PRIM2: variants seen among roughly 807,000 people sequenced by gnomAD.
PRIM2 encodes the protein DNA primase large subunit.
PRIM2 carries 39 observed loss-of-function variants against 67.3 expected under a neutral mutation model. The ratio of observed to expected loss-of-function variants is 0.58; its 90% CI spans 0.45 to 0.76. PRIM2 has a LOEUF of 0.76. Among genes scored for constraint, PRIM2 ranks in the 30% least tolerant of loss-of-function variants. The probability of loss-of-function intolerance (pLI) is 0.00; values close to 1 mark genes in which losing one functional copy is unlikely to be tolerated. For missense variants in PRIM2, 398 were observed against 598.7 expected (o/e 0.66, Z 3.50); for synonymous variants, 143 against 198.7 (o/e 0.72, Z 2.36).
intron 13 of PRIM2, among the ~76,000 whole-genome samples, chr6:57,643,325 ATATCAT>A (rs1315760630): frequency 6.6e-6 from 1 of 152,220 alleles, no homozygotes; most frequent in African/African-American, 2.4e-5. Context: ...TATAATGGAG[ATATCAT>A]TATCAGTATG....
At chr6:57,630,144 C>G (rs1777017643) in intron 12 of PRIM2, among the ~76,000 whole-genome samples, 1 of 149,866 alleles carries the variant, frequency 6.7e-6, no homozygotes, top group African/African-American at 2.5e-5. Context: ...TTTTTCTCAT[C>G]ACACCTTTAC....
intron 7 of PRIM2, among the ~76,000 whole-genome samples, chr6:57,442,247 C>A (rs1772223223): frequency 6.6e-6 from 1 of 152,094 alleles, no homozygotes; most frequent in Admixed American, 6.5e-5. Flanking sequence ...CTGTTTGTCC[C>A]ACAACTGAGT....
At chr6:57,386,417 C>CAAAAA (rs71299586) in intron 7 of PRIM2, among the ~76,000 whole-genome samples, 2 of 53,916 alleles carry the variant, frequency 3.7e-5, no homozygotes, top group African/African-American at 9.8e-5. Context: ...TACCCTGTCT[C>CAAAAA]AAAAAAAAAA....
intron 7 of PRIM2, among the ~76,000 whole-genome samples, chr6:57,398,979 T>C (rs1770616043): frequency 6.6e-6 from 1 of 152,084 alleles, no homozygotes; most frequent in African/African-American, 2.4e-5. Context: ...CCCCTGTTTT[T>C]TTCTGATTTC....
At position 57,559,897 on chromosome 6, in the gene PRIM2, G is replaced by T. The variant is rs1186032837; in HGVS notation, c.1020+22272G>T. 2.0e-5 allele frequency among the ~76,000 whole-genome samples: 3 copies of T among 152,040 alleles called. No individual in the cohort carries two copies. In the South Asian group the frequency reaches 6.2e-4, roughly 32 times the overall value. ...TTGGTGAGTTGTAATCTTTTTGCTG[G>T]TGGAGGGTCTTGCCTTGATGTTGAT... is the stretch of plus-strand genomic sequence containing the variant. On this transcript the variant is annotated intron_variant, in intron 10 of 13. Coordinates refer to ENST00000615550, the MANE Select transcript of PRIM2 (RefSeq NM_000947.5).
chr6:57,296,153 TA>T, the PRIM2 span, among the ~76,000 whole-genome samples: 1 of 152,072 alleles, frequency 6.6e-6, no homozygotes, highest in African/African-American at 2.4e-5. Context: ...CAAATCTCAA[TA>T]ACTCTGGAAA....
chr6:57,439,520 A>G (rs961701162), intron 7 of PRIM2, among the ~76,000 whole-genome samples: 2 of 144,396 alleles, frequency 1.4e-5, no homozygotes, highest in African/African-American at 5.1e-5. Flanking sequence ...GGTTCTAGCA[A>G]TTCTCCTGCC....
At chr6:57,389,988 T>G in intron 7 of PRIM2, 1 of 154,830 alleles carries the variant, frequency 6.5e-6, no homozygotes, top group Middle Eastern at 5.2e-4. Flanking sequence ...CTGCAGCAAA[T>G]CCATCAATAT....
intron 12 of PRIM2, among the ~76,000 whole-genome samples, chr6:57,629,564 A>G (rs1239647002): frequency 6.6e-6 from 1 of 152,116 alleles, no homozygotes; most frequent in Non-Finnish European, 1.5e-5. Context: ...TTTTATAGCC[A>G]TTAAGTGGGA....
intron 7 of PRIM2, among the ~76,000 whole-genome samples, chr6:57,457,466 C>T (rs1222491601): frequency 6.6e-6 from 1 of 152,166 alleles, no homozygotes; most frequent in Non-Finnish European, 1.5e-5. Flanking sequence ...CCTTTGTTTA[C>T]CTACTCAAGC....
At chr6:57,442,088 A>C (rs985494147) in intron 7 of PRIM2, among the ~76,000 whole-genome samples, 1 of 152,172 alleles carries the variant, frequency 6.6e-6, no homozygotes, top group African/African-American at 2.4e-5. Context: ...AGAAAGTTTT[A>C]CTTTGGTAAT....
intron 7 of PRIM2, among the ~76,000 whole-genome samples, chr6:57,388,121 G>C (rs1189586102): frequency 1.3e-5 from 2 of 152,174 alleles, no homozygotes; most frequent in African/African-American, 2.4e-5. Flanking sequence ...TGTAGACTCT[G>C]TGAGACTTTG....
chr6:57,373,300 T>C (rs986003987), intron 5 of PRIM2, among the ~76,000 whole-genome samples: 40 of 152,082 alleles, frequency 2.6e-4, no homozygotes, highest in Non-Finnish European at 5.1e-4. Context: ...GTCCACTTTT[T>C]AATGTTTTTT....
intron 7 of PRIM2, among the ~76,000 whole-genome samples, chr6:57,463,554 A>G (rs73752234): frequency 2.0e-5 from 3 of 152,192 alleles, no homozygotes; most frequent in Admixed American, 6.5e-5. Flanking sequence ...GGTTGTTTCT[A>G]TCTTTAATTA....
chr6:57,245,448 C>T, the PRIM2 span, among the ~76,000 whole-genome samples: 1 of 152,122 alleles, frequency 6.6e-6, no homozygotes, highest in East Asian at 1.9e-4. Flanking sequence ...CCAGTAAACT[C>T]GCAAGGTAGC....
At chr6:57,258,973 TA>T in the PRIM2 span, among the ~76,000 whole-genome samples, 2 of 152,192 alleles carry the variant, frequency 1.3e-5, no homozygotes, top group African/African-American at 4.8e-5. Context: ...CACCTAGAAA[TA>T]AAATATACAA....
At chr6:57,235,331 G>C in the PRIM2 span, among the ~76,000 whole-genome samples, 1 of 152,212 alleles carries the variant, frequency 6.6e-6, no homozygotes, top group Middle Eastern at 3.4e-3. Context: ...AGGTTTGCTG[G>C]CACATGCCTG....
the PRIM2 span, among the ~76,000 whole-genome samples, chr6:57,271,254 G>T: frequency 2.2e-4 from 33 of 152,234 alleles, no homozygotes; most frequent in African/African-American, 7.7e-4. Flanking sequence ...AATCCATCTG[G>T]TCCTGGACTT....
intron 10 of PRIM2, among the ~76,000 whole-genome samples, chr6:57,550,782 A>G (rs1775385769): frequency 6.6e-6 from 1 of 152,206 alleles, no homozygotes. Context: ...TGACAATAAA[A>G]TATGTATCTT....
Sources: gnomAD v4.1 joint callset for allele counts (sites outside exome capture counted in the v4.1 genomes callset) on GRCh38, gnomAD v4.1.1 for gene constraint, MANE v1.5 for transcripts, NCBI Gene and HGNC (gene_info 2026-07-23, HGNC 2026-07-21) for gene names.